Variants in MSH3 observed in about 807,000 individuals in gnomAD.
MSH3 encodes mutS homolog 3.
A neutral mutation model predicts 123.3 loss-of-function variants in MSH3; 106 were observed. The observed-to-expected ratio is 0.86, with a 90% CI of 0.73 to 1.01. MSH3 has a LOEUF of 1.01. MSH3 is among the 50% of genes least tolerant of loss of function. The probability of loss-of-function intolerance (pLI) is 0.00; values close to 1 mark genes in which losing one functional copy is unlikely to be tolerated. For missense variants in MSH3, 1,459 were observed against 1,347.6 expected (o/e 1.08, Z -1.29); for synonymous variants, 515 against 481.4 (o/e 1.07, Z -0.91).
intron 3 of MSH3, among the ~76,000 whole-genome samples, chr5:80,668,926 C>T (rs1349327464): frequency 6.6e-6 from 1 of 152,224 alleles, no homozygotes; most frequent in Non-Finnish European, 1.5e-5. Context: ...TTTCTGGCTC[C>T]TGTCGGTTCT....
chr5:80,866,360 A>G (rs1336729270), intron 22 of MSH3, among the ~76,000 whole-genome samples: 1 of 152,160 alleles, frequency 6.6e-6, no homozygotes, highest in Non-Finnish European at 1.5e-5. Context: ...GCTGGTCTCA[A>G]ACTGTTGAAT....
At chr5:80,805,312 C>A (rs1002005172) in intron 19 of MSH3, among the ~76,000 whole-genome samples, 2 of 152,026 alleles carry the variant, frequency 1.3e-5, no homozygotes, top group Non-Finnish European at 2.9e-5. Context: ...ATCAGGCAAG[C>A]CATTTTAGAA....
intron 21 of MSH3, among the ~76,000 whole-genome samples, chr5:80,857,725 A>G (rs1002358101): frequency 6.6e-6 from 1 of 152,174 alleles, no homozygotes; most frequent in African/African-American, 2.4e-5. Context: ...TGTCCACGGC[A>G]TCCGTAGTGT....
intron 8 of MSH3, among the ~76,000 whole-genome samples, chr5:80,723,831 C>T (rs1751139064): frequency 6.6e-6 from 1 of 152,018 alleles, no homozygotes; most frequent in Non-Finnish European, 1.5e-5. Context: ...GGTGTGATCA[C>T]AGCTCATTGC....
At chr5:80,656,141 A>G (rs1436187636) in intron 1 of MSH3, among the ~76,000 whole-genome samples, 1 of 152,250 alleles carries the variant, frequency 6.6e-6, no homozygotes, top group African/African-American at 2.4e-5. Flanking sequence ...CTGAAGGCTC[A>G]TTGAATCAAG....
chr5:80,734,930 CT>C (rs1561460156), intron 10 of MSH3, among the ~76,000 whole-genome samples: 1 of 152,202 alleles, frequency 6.6e-6, no homozygotes, highest in Non-Finnish European at 1.5e-5. Context: ...AGTTTTCCCC[CT>C]CATGTGTTTT....
intron 19 of MSH3, among the ~76,000 whole-genome samples, chr5:80,813,156 C>T (rs1463542410): frequency 3.3e-5 from 5 of 152,126 alleles, no homozygotes; most frequent in African/African-American, 1.2e-4. Context: ...AGTCATCTAC[C>T]TATAACTGAA....
At position 80,670,101 on chromosome 5, in the gene MSH3, CA is replaced by C. The variant is rs771721952; in HGVS notation, c.586del (p.Thr196HisfsTer37). Reference sequence around the variant, plus strand: ...TATACATCTTTTGGTTGCCAGGACACAACACTTTTTGATCTCAGTCAGTTTG... The same window carrying C: ...TATACATCTTTTGGTTGCCAGGACACACACTTTTTGATCTCAGTCAGTTTG... Reference protein sequence around the residue: ...DSKRQINQKDTTLFDLSQFGS... With the variant: ...DSKRQINQKDXTLFDLSQFGS... On this transcript the variant is annotated frameshift_variant, in exon 4 of 24. Transcript: ENST00000265081. LOFTEE classifies it high-confidence loss of function. 8.1e-6 allele frequency: 13 copies of C among 1,613,966 alleles called. No homozygotes were observed. The African/African-American group carries it at 1.7e-4, about 22-fold the overall frequency.
At chr5:80,725,950 A>G (rs372823930) in intron 9 of MSH3, among the ~76,000 whole-genome samples, 5 of 152,302 alleles carry the variant, frequency 3.3e-5, no homozygotes, top group African/African-American at 7.2e-5. Flanking sequence ...AGTTTTGACC[A>G]TCTTTCCTTT....
At position 80,654,918 on chromosome 5, in the gene MSH3, C is replaced by A. The variant is rs768692915; in HGVS notation, c.191C>A (p.Pro64Gln). The change falls in exon 1 of 24, where the codon CCA (proline) becomes CAA (glutamine). Residue 64 changes from proline to glutamine, a missense_variant. Transcript: ENST00000265081. ...GCGGCCGCAGCGGCCGCAGCGCCCC[C>A]AGCGCCCCCAGCTCCCGCCTTCCCG... is the stretch of plus-strand genomic sequence containing the variant. ...AAAAAAAAAP[P>Q]APPAPAFPPQ... The A allele has an allele frequency of 2.6e-6, 4 of 1,519,990 alleles. No homozygotes were observed. Among genetic ancestry groups the A allele is most frequent in the Non-Finnish European group, 3.5e-6 (4 of 1,139,842 alleles). 94.2% of individuals were successfully genotyped at this position (1,519,990 alleles called of 1,614,324 possible).
intron 21 of MSH3, among the ~76,000 whole-genome samples, chr5:80,858,187 G>C (rs776760124): frequency 2.0e-5 from 3 of 152,078 alleles, no homozygotes; most frequent in Non-Finnish European, 2.9e-5. Context: ...TGGGACTACA[G>C]GCACATGCCA....
intron 10 of MSH3, 66 bp downstream of exon 10, chr5:80,729,031 T>G (rs1251927262): frequency 2.1e-6 from 2 of 931,758 alleles, no homozygotes; most frequent in Non-Finnish European, 3.5e-6. Context: ...TAAATTGAAT[T>G]TGGTAGTACT....
At chr5:80,795,422 A>C (rs1260599059) in intron 19 of MSH3, among the ~76,000 whole-genome samples, 1 of 152,094 alleles carries the variant, frequency 6.6e-6, no homozygotes, top group East Asian at 1.9e-4. Context: ...CAGCAGATTC[A>C]GTTTCTGGTG....
intron 8 of MSH3, among the ~76,000 whole-genome samples, chr5:80,718,749 G>A (rs1467915955): frequency 6.6e-6 from 1 of 151,640 alleles, no homozygotes; most frequent in African/African-American, 2.4e-5. Flanking sequence ...AGTAGCCATT[G>A]ATACTCAGTA....
intron 20 of MSH3, among the ~76,000 whole-genome samples, chr5:80,815,352 G>A (rs1225692406): frequency 4.6e-5 from 7 of 151,164 alleles, no homozygotes; most frequent in Non-Finnish European, 1.0e-4. Flanking sequence ...ATTAAGGAAA[G>A]TAGCAGAGAT....
intron 22 of MSH3, among the ~76,000 whole-genome samples, chr5:80,870,561 CTG>C (rs1330828905): frequency 1.3e-5 from 2 of 152,146 alleles, no homozygotes; most frequent in Non-Finnish European, 2.9e-5. Context: ...ACTTCCGCAC[CTG>C]TGTTTCTCAA....
At chr5:80,731,224 G>T (rs1038802769) in intron 10 of MSH3, among the ~76,000 whole-genome samples, 3 of 151,742 alleles carry the variant, frequency 2.0e-5, no homozygotes, top group Non-Finnish European at 2.9e-5. Context: ...TATTTAATTC[G>T]AAATAAGAAT....
intron 19 of MSH3, among the ~76,000 whole-genome samples, chr5:80,805,954 T>C (rs245397): frequency 0.85 from 128,757 of 152,160 alleles, 54,567 homozygotes; most frequent in East Asian, 1. Context: ...TCAGTCCTTC[T>C]TTTTATGGGT....
At chr5:80,655,427 A>G in intron 1 of MSH3, 1 of 221,914 alleles carries the variant, frequency 4.5e-6, no homozygotes. Flanking sequence ...CACTACGGTT[A>G]AAAGCAGTCA....
Sources: gnomAD v4.1 joint callset for allele counts (sites outside exome capture counted in the v4.1 genomes callset) on GRCh38, gnomAD v4.1.1 for gene constraint, MANE v1.5 for transcripts, NCBI Gene and HGNC (gene_info 2026-07-23, HGNC 2026-07-21) for gene names.